Variants in COX18 observed in about 807,000 individuals in gnomAD.
COX18 encodes the protein cytochrome c oxidase assembly factor COX18, also known as cytochrome c oxidase assembly protein COX18, mitochondrial.
Under a neutral mutation model 38.0 loss-of-function variants are expected in COX18, and 45 were observed. That is an observed-to-expected ratio of 1.18 (90% CI 0.93 to 1.52). COX18 has a LOEUF of 1.52. Ranked by LOEUF, COX18 falls within the 40% of genes most tolerant of loss-of-function variation. The pLI, the probability that COX18 is intolerant of heterozygous loss-of-function variation, is 0.00. For synonymous variants in COX18, 177 were observed against 169.8 expected (o/e 1.04, Z -0.33); for missense variants, 462 against 423.8 (o/e 1.09, Z -0.79).
Position 73,064,887 on chromosome 4 carries a change from T to C in COX18, c.614A>G (p.Gln205Arg), listed in dbSNP as rs762217353. The part of the protein sequence containing the change: ...AAHSEAGFSV[Q>R]EQLATGGILW... ...AATTCCACCAGTAGCTAACTGTTCCTGAACAGAAAAACCTGCTAAAACAGT... is the reference window on the plus strand; with the variant it reads ...AATTCCACCAGTAGCTAACTGTTCCCGAACAGAAAAACCTGCTAAAACAGT... The change falls in exon 4 of 6, where the codon CAG becomes CGG. Residue 205 changes from glutamine to arginine, a missense_variant. Transcript: ENST00000507544. 9.9e-6 allele frequency: 16 copies of C among 1,613,742 alleles called. No individual in the cohort carries two copies. The highest frequency in any genetic ancestry group is 9.9e-5 in the South Asian group (9 of 91,050).
chr4:73,063,210 A>C (rs1720264497), intron 4 of COX18, among the ~76,000 whole-genome samples: 1 of 151,796 alleles, frequency 6.6e-6, no homozygotes, highest in African/African-American at 2.4e-5. Flanking sequence ...AGAGGCTGAG[A>C]CAAGAGAATC....
intron 3 of COX18, 55 bp downstream of exon 3, chr4:73,065,195 T>TAGTAAAAAGACAA: frequency 1.6e-6 from 2 of 1,241,504 alleles, no homozygotes; most frequent in Non-Finnish European, 2.2e-6. Flanking sequence ...TTTTTTTTTT[T>TAGTAAAAAGACAA]TAGTACAAAG....
intron 2 of COX18, among the ~76,000 whole-genome samples, chr4:73,067,386 CAGTT>C (rs1207293347): frequency 6.6e-6 from 1 of 152,140 alleles, no homozygotes; most frequent in African/African-American, 2.4e-5. Flanking sequence ...CTTTATATAA[CAGTT>C]AGTTCACTGA....
At chr4:73,065,504 A>G (rs1720406854) in intron 2 of COX18, 91 bp from the exon 3 acceptor site, 4 of 1,105,862 alleles carry the variant, frequency 3.6e-6, no homozygotes, top group Non-Finnish European at 5.2e-6. Context: ...CGCCTGCTGT[A>G]GTTATTAGCT....
Position 73,055,650 on chromosome 4 carries a change from G to A in COX18, c.*2464C>T, listed in dbSNP as rs535563663. On this transcript the variant is annotated 3_prime_UTR_variant, in exon 6 of 6. Transcript: ENST00000507544. ...CTAAGTAGACTCAAAAAGGATACAT[G>A]TTTACGGTATGAGAGCTGAAACTAG... The A allele has an allele frequency of 6.6e-6, 1 of 152,320 alleles. No homozygotes were observed. Among genetic ancestry groups the A allele is most frequent in the Non-Finnish European group, 1.5e-5 (1 of 68,032 alleles). 9.4% of individuals were successfully genotyped at this position (152,320 alleles called of 1,614,324 possible).
At chr4:73,065,593 T>A (rs1445104440) in intron 2 of COX18, among the ~76,000 whole-genome samples, 180 bp from the exon 3 acceptor site, 1 of 152,166 alleles carries the variant, frequency 6.6e-6, no homozygotes, top group South Asian at 2.1e-4. Context: ...AAGCCTTTTA[T>A]CAAAACTTCT....
At chr4:73,065,179 T>C in intron 3 of COX18, 71 bp downstream of exon 3, 1 of 955,012 alleles carries the variant, frequency 1.0e-6, no homozygotes, top group Non-Finnish European at 1.5e-6. Flanking sequence ...ATGCTTTTTT[T>C]TTTTTTTTTT....
At position 73,055,935 on chromosome 4, in the gene COX18, T is replaced by G. The variant is rs1577942766; in HGVS notation, c.*2179A>C. The stretch of plus-strand genomic sequence containing the variant: ...TATGAAAAAAGAACCTAGTCTTAAT[T>G]GCCACCATCTATGTCTAAAATAAAT... On this transcript the variant is annotated 3_prime_UTR_variant, in exon 6 of 6. Coordinates refer to ENST00000507544, the MANE Select transcript of COX18 (RefSeq NM_001297732.2). The G allele has an allele frequency of 6.6e-6, 1 of 152,314 alleles. No individual in the cohort carries two copies. Among genetic ancestry groups the G allele is most frequent in the South Asian group, 2.1e-4 (1 of 4,832 alleles). The allele number at this position is 152,314 out of a possible 1,614,324, so 9.4% of individuals were successfully genotyped here.
Position 73,053,399 on chromosome 4 carries a change from G to C in COX18, c.*4715C>G, listed in dbSNP as rs985896333. The C allele has an allele frequency of 2.6e-5, 4 of 152,164 alleles. No individual in the cohort carries two copies. The highest frequency in any genetic ancestry group is 9.7e-5 in the African/African-American group (4 of 41,420). The allele number at this position is 152,164 out of a possible 1,614,324, so 9.4% of individuals were successfully genotyped here. The stretch of plus-strand genomic sequence containing the variant: ...TATATAACCTTACAAGGGGGATAAT[G>C]AAACTTACGCGATGTCTGGGAAGAC... On this transcript the variant is annotated 3_prime_UTR_variant, in exon 6 of 6. Transcript: ENST00000507544.
intron 5 of COX18, among the ~76,000 whole-genome samples, chr4:73,058,861 G>T (rs1720018430): frequency 6.6e-6 from 1 of 152,052 alleles, no homozygotes; most frequent in South Asian, 2.1e-4. Flanking sequence ...GACACTAGGG[G>T]CCAATTTTTC....
chr4:73,061,880 G>A lies in COX18; in HGVS notation c.764C>T (p.Thr255Met), dbSNP rs200382047. Reference protein sequence around the residue: ...LQKIGMSRFQTYITYFVRAMS... With the variant: ...LQKIGMSRFQMYITYFVRAMS... ...TGCACGGACAAAGTACGTAATATAC[G>A]TCTGAAAACGAGACATTCCAATTTT... Residue 255 changes from threonine to methionine, a missense_variant, in exon 5 of 6, where the codon ACG (threonine) becomes ATG (methionine). Physicochemically the swap from Thr to Met is moderately conservative, Grantham distance 81. Coordinates refer to ENST00000507544, the MANE Select transcript of COX18 (RefSeq NM_001297732.2). 7.1e-5 allele frequency: 115 copies of A among 1,613,144 alleles called. No homozygotes were observed. The highest frequency in any genetic ancestry group is 1.4e-4 in the South Asian group (13 of 91,012).
chr4:73,061,699 C>T (rs1473123522), intron 5 of COX18, 114 bp downstream of exon 5: 24 of 621,090 alleles, frequency 3.9e-5, no homozygotes, highest in Non-Finnish European at 5.9e-5. Context: ...CAGAGCGAGA[C>T]TCCGTCTCAA....
chr4:73,061,437 G>A (rs924887614), intron 5 of COX18, among the ~76,000 whole-genome samples: 1 of 151,190 alleles, frequency 6.6e-6, no homozygotes, highest in Non-Finnish European at 1.5e-5. Context: ...AGCCAGGTGC[G>A]GTGGCTCACG....
chr4:73,069,528 C>A lies in COX18; in HGVS notation c.122G>T (p.Trp41Leu). The A allele has an allele frequency of 6.3e-7, 1 of 1,582,178 alleles. No homozygotes were observed. The highest frequency in any genetic ancestry group is 8.6e-7 in the Non-Finnish European group (1 of 1,164,664). Residue 41 changes from tryptophan to leucine, a missense_variant, in exon 1 of 6, where the codon TGG becomes TTG. Transcript: ENST00000507544. ...SGAKRPTLPVWAVAPVSAVHA... is the reference protein window; with the variant it reads ...SGAKRPTLPVLAVAPVSAVHA... Reference sequence around the variant, plus strand: ...TACTGCAGAGACTGGTGCCACTGCCCACACTGGGAGAGTGGGGCGCTTGGC... The same window carrying A: ...TACTGCAGAGACTGGTGCCACTGCCAACACTGGGAGAGTGGGGCGCTTGGC...
Position 73,069,555 on chromosome 4 carries a change from C to A in COX18, c.95G>T (p.Gly32Val), listed in dbSNP as rs953698250. 6.4e-7 allele frequency: 1 copy of A among 1,570,642 alleles called. No homozygotes were observed. The highest frequency in any genetic ancestry group is 1.3e-5 in the African/African-American group (1 of 74,266). Residue 32 changes from glycine (G) to valine (V), a missense_variant, in exon 1 of 6, where the codon GGC (glycine) becomes GTC (valine). By Grantham distance (109) the Gly-to-Val change is moderately radical. Coordinates refer to ENST00000507544, the MANE Select transcript of COX18 (RefSeq NM_001297732.2). ...CACTGGGAGAGTGGGGCGCTTGGCG[C>A]CGCTCGTAGGAACCGGCGCAAGCGG... ...DLPLAPVPTS[G>V]AKRPTLPVWA...
rs1477332109 is a variant in COX18 at position 73,069,709 on chromosome 4, C to T, written c.-60G>A. ...CACAATCCAGCGGACATACACCGGC[C>T]AGCCAAGGCTGATACGCGCACGCGC... On this transcript the variant is annotated 5_prime_UTR_variant, in exon 1 of 6. Transcript: ENST00000507544. The T allele has an allele frequency of 1.1e-5, 16 of 1,486,080 alleles. No individual in the cohort carries two copies. Among genetic ancestry groups the T allele is most frequent in the Non-Finnish European group, 1.4e-5 (15 of 1,103,558 alleles). The allele number at this position is 1,486,080 out of a possible 1,614,324, so 92.1% of individuals were successfully genotyped here.
intron 5 of COX18, 27 bp from the exon 6 acceptor site, chr4:73,058,314 C>T: frequency 1.3e-6 from 2 of 1,530,100 alleles, no homozygotes; most frequent in Non-Finnish European, 8.9e-7. Flanking sequence ...TAAATGTTAG[C>T]ATCTGTAATT....
intron 2 of COX18, among the ~76,000 whole-genome samples, chr4:73,066,445 T>C (rs1360570612): frequency 6.6e-6 from 1 of 152,116 alleles, no homozygotes; most frequent in Non-Finnish European, 1.5e-5. Flanking sequence ...TCCAGCTACT[T>C]GGGAGGCCAA....
At chr4:73,065,107 T>G in intron 3 of COX18, 143 bp downstream of exon 3, 2 of 938,912 alleles carry the variant, frequency 2.1e-6, no homozygotes. Context: ...TGTTTACACT[T>G]AAGACTTTAA....
Sources: allele counts gnomAD v4.1 joint callset (sites outside exome capture counted in the v4.1 genomes callset), GRCh38; gene constraint gnomAD v4.1.1; transcripts MANE v1.5; gene names NCBI Gene and HGNC (gene_info 2026-07-23, HGNC 2026-07-21).